Variants in PPFIA2 observed in about 807,000 individuals in gnomAD.
PPFIA2 encodes liprin-alpha-2.
A neutral mutation model predicts 175.5 loss-of-function variants in PPFIA2; 46 were observed. The ratio of observed to expected loss-of-function variants is 0.26; its 90% CI spans 0.21 to 0.34. The LOEUF is 0.34. Among genes scored for constraint, PPFIA2 ranks in the 10% least tolerant of loss-of-function variants. The pLI, the probability that PPFIA2 is intolerant of heterozygous loss-of-function variation, is 1.00. For synonymous variants in PPFIA2, 568 were observed against 511.4 expected (o/e 1.11, Z -1.49); for missense variants, 1,179 against 1,506.1 (o/e 0.78, Z 3.60).
intron 8 of PPFIA2, among the ~76,000 whole-genome samples, chr12:81,401,897 T>G (rs2142763659): frequency 6.6e-6 from 1 of 152,304 alleles, no homozygotes; most frequent in Admixed American, 6.5e-5. Context: ...TCAGTTAAAT[T>G]TAAGACCACA....
chr12:81,271,470 A>C (rs1490105169), intron 28 of PPFIA2, among the ~76,000 whole-genome samples: 1 of 152,102 alleles, frequency 6.6e-6, no homozygotes, highest in Non-Finnish European at 1.5e-5. Flanking sequence ...GGGTTTTACC[A>C]TGTTAGTCAG....
At position 81,277,326 on chromosome 12, in the gene PPFIA2, C is replaced by T. The variant is rs1324448691; in HGVS notation, c.3301G>A (p.Glu1101Lys). ...LERRREASQHEIKDVLVWSND... is the reference protein window; with the variant it reads ...LERRREASQHKIKDVLVWSND... The stretch of plus-strand genomic sequence containing the variant: ...AAGAAAGATATATTACCTTTTATTT[C>T]ATGTTGGCTTGCTTCCCGTCTTCTT... Residue 1101 changes from glutamate (E) to lysine (K), a missense_variant, in exon 28 of 33, where the codon GAA becomes AAA. By Grantham distance (56) the Glu-to-Lys change is moderately conservative. Around this residue, in one of 10 missense-constraint regions of PPFIA2, gnomAD observed 245 missense variants for 375.1 expected, o/e 0.65. Transcript: ENST00000549396. 6.4e-7 allele frequency: 1 copy of T among 1,560,364 alleles called. No individual in the cohort carries two copies. The highest frequency in any genetic ancestry group is 8.7e-7 in the Non-Finnish European group (1 of 1,152,366).
intron 4 of PPFIA2, among the ~76,000 whole-genome samples, chr12:81,659,141 T>C (rs1390586760): frequency 6.6e-6 from 1 of 152,088 alleles, no homozygotes; most frequent in Admixed American, 6.6e-5. Flanking sequence ...GCATGAGCAA[T>C]GCAGAAGACG....
Position 81,362,968 on chromosome 12 carries a change from A to G in PPFIA2, c.1546-184T>C, listed in dbSNP as rs367890131. Among the ~76,000 whole-genome samples, 7 of 151,796 alleles carry G rather than the reference A, an allele frequency of 4.6e-5. No individual in the cohort carries two copies. The East Asian group carries it at 1.4e-3, about 29-fold the overall frequency. ...GTAATAAAAAATGTGGATAGCAGAA[A>G]TTAATAAAAATTTATCTACAATCTC... is the stretch of plus-strand genomic sequence containing the variant. On this transcript the variant is annotated intron_variant, in intron 14 of 32. Coordinates refer to ENST00000549396, the MANE Select transcript of PPFIA2 (RefSeq NM_003625.5).
chr12:81,424,687 C>A (rs972897409), intron 7 of PPFIA2, among the ~76,000 whole-genome samples: 21 of 152,164 alleles, frequency 1.4e-4, no homozygotes, highest in African/African-American at 5.1e-4. Flanking sequence ...ACCAAGTTTT[C>A]TTCAATGGCA....
At chr12:81,513,183 G>T (rs1272552939) in intron 4 of PPFIA2, among the ~76,000 whole-genome samples, 3 of 151,866 alleles carry the variant, frequency 2.0e-5, no homozygotes. Context: ...GAAACGCAAA[G>T]TTAAACCACA....
chr12:81,351,466 A>C (rs2140872947), intron 17 of PPFIA2, among the ~76,000 whole-genome samples: 1 of 152,182 alleles, frequency 6.6e-6, no homozygotes, highest in South Asian at 2.1e-4. Flanking sequence ...TGAAAAATGT[A>C]TTTTCACTGA....
chr12:81,691,673 C>T (rs1438385207), intron 3 of PPFIA2, among the ~76,000 whole-genome samples: 1 of 151,874 alleles, frequency 6.6e-6, no homozygotes, highest in Non-Finnish European at 1.5e-5. Context: ...TTGCATTTGC[C>T]AAGTGTCTTT....
chr12:81,397,229 A>G (rs924098106), intron 8 of PPFIA2, among the ~76,000 whole-genome samples: 1 of 151,946 alleles, frequency 6.6e-6, no homozygotes, highest in African/African-American at 2.4e-5. Context: ...GTGTAGGTAG[A>G]GAACATGTGG....
At chr12:81,564,945 G>A (rs1169650715) in intron 4 of PPFIA2, among the ~76,000 whole-genome samples, 1 of 152,146 alleles carries the variant, frequency 6.6e-6, no homozygotes, top group East Asian at 1.9e-4. Flanking sequence ...TGCAAGGAAA[G>A]GTGCATGCAC....
At chr12:81,295,993 C>T (rs756432298) in intron 23 of PPFIA2, among the ~76,000 whole-genome samples, 3 of 150,038 alleles carry the variant, frequency 2.0e-5, no homozygotes, top group African/African-American at 4.9e-5. Flanking sequence ...TGCCTCAAAA[C>T]GAAACAAAAG....
At chr12:81,542,027 C>CAA (rs56288022) in intron 4 of PPFIA2, among the ~76,000 whole-genome samples, 1 of 138,368 alleles carries the variant, frequency 7.2e-6, no homozygotes, top group Non-Finnish European at 1.6e-5. Flanking sequence ...TGGTGACTTC[C>CAA]AAAAAAAAAA....
chr12:81,386,661 A>T (rs1251364458), intron 8 of PPFIA2, among the ~76,000 whole-genome samples: 1 of 152,012 alleles, frequency 6.6e-6, no homozygotes, highest in Non-Finnish European at 1.5e-5. Context: ...GATAAATAAA[A>T]GTATGCTCCT....
chr12:81,438,537 T>C (rs973839565), intron 7 of PPFIA2, among the ~76,000 whole-genome samples: 5 of 152,164 alleles, frequency 3.3e-5, no homozygotes, highest in African/African-American at 9.6e-5. Flanking sequence ...AGAAGATTTA[T>C]TGAGTGGTTT....
At position 81,341,111 on chromosome 12, in the gene PPFIA2, G is replaced by C; in HGVS notation, c.2360C>G (p.Thr787Ser). Residue 787 changes from threonine (T) to serine (S), a missense_variant, in exon 20 of 33, where the codon ACT (threonine) becomes AGT (serine). By Grantham distance (58) the Thr-to-Ser change is moderately conservative. This residue lies in a region of PPFIA2 where 223 missense variants were observed against 241.6 expected (regional missense o/e 0.92). Transcript: ENST00000549396. The stretch of plus-strand genomic sequence containing the variant: ...ATCATTGTGGTAGGAAGAAGGGAGA[G>C]TGTGAGTCATTCTGAGGGCTCTAGG... ...PTPRALRMTH[T>S]LPSSYHNDAR... The C allele has an allele frequency of 6.2e-7, 1 of 1,611,066 alleles. No homozygotes were observed. Among genetic ancestry groups the C allele is most frequent in the Non-Finnish European group, 8.5e-7 (1 of 1,177,604 alleles).
intron 3 of PPFIA2, among the ~76,000 whole-genome samples, chr12:81,735,914 T>G (rs2153646772): frequency 6.6e-6 from 1 of 152,080 alleles, no homozygotes; most frequent in African/African-American, 2.4e-5. Flanking sequence ...TCTTGTACTC[T>G]CTATCATTAT....
At chr12:81,568,491 G>A (rs1034521729) in intron 4 of PPFIA2, among the ~76,000 whole-genome samples, 3 of 152,108 alleles carry the variant, frequency 2.0e-5, no homozygotes, top group Non-Finnish European at 4.4e-5. Context: ...ATGGGTGGCC[G>A]GCCCTCCACC....
intron 22 of PPFIA2, among the ~76,000 whole-genome samples, chr12:81,311,743 AAAAAAAAAAG>A (rs2139123848): frequency 6.8e-6 from 1 of 147,778 alleles, no homozygotes; most frequent in South Asian, 2.2e-4. Flanking sequence ...AAAAAAAAAA[AAAAAAAAAAG>A]AAAGAAAGAA....
intron 4 of PPFIA2, among the ~76,000 whole-genome samples, chr12:81,573,496 G>C (rs1261542362): frequency 6.6e-6 from 1 of 151,852 alleles, no homozygotes; most frequent in Non-Finnish European, 1.5e-5. Flanking sequence ...GTATTAGCAG[G>C]AGTACATTCT....
Sources: gnomAD v4.1 joint callset for allele counts (sites outside exome capture counted in the v4.1 genomes callset) on GRCh38, gnomAD v4.1.1 for gene constraint, gnomAD v4.1.1 regional missense constraint, MANE v1.5 for transcripts, NCBI Gene and HGNC (gene_info 2026-07-23, HGNC 2026-07-21) for gene names.